The following CPA6 variants were observed in gnomAD, a reference collection of about 807,000 sequenced individuals.
CPA6 encodes the protein carboxypeptidase B.
CPA6 carries 58 observed loss-of-function variants against 63.3 expected under a neutral mutation model. The ratio of observed to expected loss-of-function variants is 0.92; its 90% CI spans 0.74 to 1.14. CPA6 has a LOEUF of 1.14. CPA6 is among the 50% of genes most tolerant of loss of function. CPA6 has a pLI of 0.00. For synonymous variants in CPA6, 185 were observed against 179.0 expected, an observed-to-expected ratio of 1.03 and a Z score of -0.27; for missense variants, 565 against 526.6, an observed-to-expected ratio of 1.07 and a Z score of -0.71.
chr8:67,628,610 G>A (rs74708182), intron 1 of CPA6, among the ~76,000 whole-genome samples: 32,989 of 152,108 alleles, frequency 0.22, 3,984 homozygotes, highest in Middle Eastern at 0.33. Flanking sequence ...ACACGTACAC[G>A]CAGTGTTTGT....
chr8:67,481,188 C>T (rs1197029695), intron 8 of CPA6, among the ~76,000 whole-genome samples: 1 of 152,190 alleles, frequency 6.6e-6, no homozygotes, highest in Non-Finnish European at 1.5e-5. Flanking sequence ...TATCCAAACC[C>T]TTTACCTTTC....
intron 1 of CPA6, among the ~76,000 whole-genome samples, chr8:67,628,649 T>C (rs1815247100): frequency 6.6e-6 from 1 of 152,264 alleles, no homozygotes; most frequent in African/African-American, 2.4e-5. Context: ...ACTAATTTGC[T>C]TTTATCTTTT....
chr8:67,699,890 T>C (rs929337055), intron 1 of CPA6, among the ~76,000 whole-genome samples: 1 of 152,124 alleles, frequency 6.6e-6, no homozygotes, highest in Non-Finnish European at 1.5e-5. Context: ...CGCCCGGCCA[T>C]GGTTTATATT....
intron 2 of CPA6, among the ~76,000 whole-genome samples, chr8:67,539,366 GCT>G (rs1381181910): frequency 6.6e-6 from 1 of 152,156 alleles, no homozygotes; most frequent in Non-Finnish European, 1.5e-5. Context: ...AAAGACATCC[GCT>G]CTTAGTCTGA....
At position 67,536,128 on chromosome 8, in the gene CPA6, G is replaced by A. The variant is rs531557072; in HGVS notation, c.193-18081C>T. On this transcript the variant is annotated intron_variant, in intron 2 of 10. Transcript: ENST00000297770. ...GTAGTATGGTTTGAAGTCAGGTAGC[G>A]TGATGCCTCCAGCTTTGTTGTTTTT... Among the ~76,000 whole-genome samples, 20 of 152,280 alleles carry A rather than the reference G, an allele frequency of 1.3e-4. No individual in the cohort carries two copies. In the East Asian group the frequency reaches 3.3e-3, roughly 25 times the overall value.
intron 8 of CPA6, among the ~76,000 whole-genome samples, chr8:67,444,504 C>T (rs60784461): frequency 0.017 from 2,520 of 152,014 alleles, 69 homozygotes; most frequent in African/African-American, 0.057. Flanking sequence ...GTAAAATCGG[C>T]TGAGTGCAGT....
intron 8 of CPA6, among the ~76,000 whole-genome samples, chr8:67,475,801 CTTTCTTTCTTTCTTTCCTTTCT>C (rs1811173700): frequency 5.2e-4 from 30 of 57,734 alleles, no homozygotes; most frequent in African/African-American, 2.8e-3. Context: ...TTCTTTCTTT[CTTTCTTTCTTTCTTTCCTTTCT>C]TTTCTTTCTT....
intron 1 of CPA6, among the ~76,000 whole-genome samples, chr8:67,700,849 TCAAACA>T (rs1817009396): frequency 2.6e-5 from 4 of 152,186 alleles, no homozygotes; most frequent in Non-Finnish European, 4.4e-5. Flanking sequence ...ATGCTAGCAT[TCAAACA>T]TAAAATAATA....
intron 9 of CPA6, among the ~76,000 whole-genome samples, chr8:67,430,673 A>G (rs1228638849): frequency 6.6e-6 from 1 of 152,060 alleles, no homozygotes; most frequent in Non-Finnish European, 1.5e-5. Context: ...TTTCTCAACA[A>G]TGGCATTGTT....
At chr8:67,661,369 C>G (rs974307685) in intron 1 of CPA6, among the ~76,000 whole-genome samples, 7 of 152,046 alleles carry the variant, frequency 4.6e-5, no homozygotes, top group Non-Finnish European at 8.8e-5. Context: ...GGGAGGCAGG[C>G]CTGGAAGCCT....
rs185866643 is a variant in CPA6 at position 67,444,620 on chromosome 8, G to A, written c.839-10380C>T. On this transcript the variant is annotated intron_variant, in intron 8 of 10. Transcript: ENST00000297770. ...ACAACATGGTAAAACCCTGTCTCTA[G>A]TAAAAATACAAAAATTAGCTGGGTG... 1.2e-3 allele frequency among the ~76,000 whole-genome samples: 184 copies of A among 150,048 alleles called. 1 individual carries two copies. Among genetic ancestry groups the A allele is most frequent in the African/African-American group, 4.1e-3 (165 of 40,522 alleles).
intron 2 of CPA6, among the ~76,000 whole-genome samples, chr8:67,560,012 A>G (rs1813166699): frequency 1.3e-5 from 2 of 151,964 alleles, no homozygotes; most frequent in Admixed American, 1.3e-4. Flanking sequence ...CAGACGTCAA[A>G]TCTGTTGGCA....
intron 2 of CPA6, among the ~76,000 whole-genome samples, chr8:67,592,433 T>C (rs1397039160): frequency 2.0e-5 from 3 of 152,068 alleles, no homozygotes; most frequent in Admixed American, 6.6e-5. Flanking sequence ...CCTCTTTTTC[T>C]ATTGATTGGA....
At chr8:67,518,113 TCAAA>T (rs1812185810) in intron 2 of CPA6, 66 bp from the exon 3 acceptor site, 3 of 1,421,778 alleles carry the variant, frequency 2.1e-6, no homozygotes, top group African/African-American at 2.9e-5. Flanking sequence ...TGTCACAATG[TCAAA>T]CACATTCTTT....
At chr8:67,515,723 A>G (rs1812130595) in intron 3 of CPA6, among the ~76,000 whole-genome samples, 1 of 152,034 alleles carries the variant, frequency 6.6e-6, no homozygotes, top group African/African-American at 2.4e-5. Context: ...TTCTCTGGTG[A>G]TTTAGGCTAC....
chr8:67,452,826 T>C (rs1810584408), intron 8 of CPA6, among the ~76,000 whole-genome samples: 1 of 152,170 alleles, frequency 6.6e-6, no homozygotes. Flanking sequence ...TGAGCAGACT[T>C]GTAGAACTCA....
rs1554670781 is a variant in CPA6, at chr8:67,524,613, C to CATTT, written c.193-6567_193-6566insAAAT. ...AGATTCTTAAGTACATTTGAAAAAA[C>CATTT]TTTTTTTGTTTTTTTGCAAATCAGG... On this transcript the variant is annotated intron_variant, in intron 2 of 10. Coordinates refer to ENST00000297770, the MANE Select transcript of CPA6 (RefSeq NM_020361.5). Among the ~76,000 whole-genome samples, 229 of 149,870 alleles carry CATTT rather than the reference C, an allele frequency of 1.5e-3. 2 individuals are homozygous for CATTT. Among genetic ancestry groups the CATTT allele is most frequent in the African/African-American group, 3.5e-3 (141 of 40,230 alleles).
At chr8:67,744,950 G>C (rs1001039648) in intron 1 of CPA6, among the ~76,000 whole-genome samples, 1 of 152,146 alleles carries the variant, frequency 6.6e-6, no homozygotes, top group Non-Finnish European at 1.5e-5. Context: ...ACTGTATTCA[G>C]AGGAACCCTA....
At chr8:67,466,238 G>A (rs1439022931) in intron 8 of CPA6, among the ~76,000 whole-genome samples, 1 of 151,958 alleles carries the variant, frequency 6.6e-6, no homozygotes, top group South Asian at 2.1e-4. Context: ...TTTCTAGTTT[G>A]TGTGCATAGA....
Sources: allele counts gnomAD v4.1 joint callset (sites outside exome capture counted in the v4.1 genomes callset), GRCh38; gene constraint gnomAD v4.1.1; transcripts MANE v1.5; gene names NCBI Gene and HGNC (gene_info 2026-07-23, HGNC 2026-07-21).